The following ENTPD1 variants were observed in gnomAD, a reference collection of about 807,000 sequenced individuals.
The protein encoded by ENTPD1 is ATP diphosphohydrolase.
A neutral mutation model predicts 57.0 loss-of-function variants in ENTPD1; 33 were observed. The observed-to-expected ratio is 0.58, with a 90% CI of 0.44 to 0.77. The LOEUF (loss-of-function observed/expected upper bound fraction) is 0.77, where lower values mean the gene tolerates loss of function less well. Among genes scored for constraint, ENTPD1 ranks in the 30% least tolerant of loss-of-function variants. The probability of loss-of-function intolerance (pLI) is 0.00; values close to 1 mark genes in which losing one functional copy is unlikely to be tolerated. For synonymous variants in ENTPD1, 202 were observed against 218.8 expected (o/e 0.92, Z 0.68); for missense variants, 501 against 603.4 (o/e 0.83, Z 1.78).
intron 1 of ENTPD1, among the ~76,000 whole-genome samples, chr10:95,795,166 C>T (rs923283711): frequency 5.3e-5 from 8 of 152,082 alleles, no homozygotes; most frequent in African/African-American, 1.9e-4. Context: ...ACTAAGAAGA[C>T]ATTAGAGTGA....
chr10:95,756,322 A>G (rs1261935747), intron 1 of ENTPD1, 67 bp downstream of exon 1: 15 of 1,509,510 alleles, frequency 9.9e-6, no homozygotes, highest in Non-Finnish European at 1.3e-5. Flanking sequence ...ATAAAAGCCC[A>G]GACCAAAAAG....
At position 95,808,720 on chromosome 10, in the gene ENTPD1, CT is replaced by C. The variant is rs60603484; in HGVS notation, c.17-14504del. Among the ~76,000 whole-genome samples the C allele has an allele frequency of 6.3e-3, 899 of 143,798 alleles. 9 individuals are homozygous for C. The highest frequency in any genetic ancestry group is 0.021 in the African/African-American group (811 of 39,092). The allele number at this position is 143,798 out of a possible 152,430, so 94.3% of individuals were successfully genotyped here. On this transcript the variant is annotated intron_variant, in intron 1 of 9. Transcript: ENST00000371205. ...ATACTTTGACAGATTATTTTAGTTG[CT>C]TTTTTTTTTTTTAATAATTTTGTTG...
At chr10:95,832,224 C>CAGAGTTCTGCT (rs1474292054) in intron 2 of ENTPD1, among the ~76,000 whole-genome samples, 1 of 152,108 alleles carries the variant, frequency 6.6e-6, no homozygotes, top group Non-Finnish European at 1.5e-5. Context: ...ACCTCTGCCT[C>CAGAGTTCTGCT]AGAGTTCTCT....
chr10:95,776,945 T>G (rs1407823370), intron 1 of ENTPD1, among the ~76,000 whole-genome samples: 3 of 152,238 alleles, frequency 2.0e-5, no homozygotes, highest in Non-Finnish European at 4.4e-5. Flanking sequence ...AGCTTGTGCA[T>G]GGGTCACATA....
chr10:95,709,078 A>G (rs147400639), upstream of ENTPD1, among the ~76,000 whole-genome samples: 996 of 152,274 alleles, frequency 6.5e-3, 6 homozygotes, highest in Middle Eastern at 0.014. Context: ...AGGTTATGCA[A>G]CCTACAACCT....
chr10:95,810,747 C>T (rs192054994), intron 1 of ENTPD1, among the ~76,000 whole-genome samples: 22 of 152,246 alleles, frequency 1.4e-4, no homozygotes, highest in Non-Finnish European at 2.8e-4. Flanking sequence ...AAAAGCTACT[C>T]TCATCTATTA....
chr10:95,790,054 G>A (rs2098197129), intron 1 of ENTPD1, among the ~76,000 whole-genome samples: 1 of 152,174 alleles, frequency 6.6e-6, no homozygotes, highest in Non-Finnish European at 1.5e-5. Context: ...GATATTGGAA[G>A]TGCTCTCAAG....
chr10:95,723,239 T>G (rs1781230238), intron 1 of ENTPD1, among the ~76,000 whole-genome samples: 1 of 152,312 alleles, frequency 6.6e-6, no homozygotes, highest in African/African-American at 2.4e-5. Context: ...GGGCACATTG[T>G]TTTTTCTTTA....
At chr10:95,752,829 C>T (rs1035091144), upstream of ENTPD1, among the ~76,000 whole-genome samples, 5 of 152,072 alleles carry the variant, frequency 3.3e-5, no homozygotes, top group Non-Finnish European at 5.9e-5. Flanking sequence ...ATGCACCTGG[C>T]CCATATTAAT....
chr10:95,819,373 C>CTT (rs1275931147), intron 1 of ENTPD1, among the ~76,000 whole-genome samples: 2 of 151,924 alleles, frequency 1.3e-5, no homozygotes, highest in African/African-American at 4.8e-5. Context: ...ACCATGTTAC[C>CTT]CCCCAGTCTC....
At chr10:95,789,915 A>G (rs568367779) in intron 1 of ENTPD1, among the ~76,000 whole-genome samples, 87 of 152,328 alleles carry the variant, frequency 5.7e-4, no homozygotes, top group African/African-American at 1.9e-3. Context: ...CTAGAATGCC[A>G]TAAATTGCAT....
intron 1 of ENTPD1, among the ~76,000 whole-genome samples, chr10:95,799,395 A>G (rs998170604): frequency 1.3e-5 from 2 of 152,058 alleles, no homozygotes; most frequent in Non-Finnish European, 2.9e-5. Flanking sequence ...AATATGTGGC[A>G]TTTGGTTTTT....
At chr10:95,704,950 A>G in the ENTPD1 span, among the ~76,000 whole-genome samples, 5 of 151,998 alleles carry the variant, frequency 3.3e-5, no homozygotes, top group African/African-American at 1.2e-4. Context: ...GAATCCATGT[A>G]CAATCCCCCA....
chr10:95,869,785 A>C lies in ENTPD1; in HGVS notation c.*3402A>C, dbSNP rs2098478511. On this transcript the variant is annotated 3_prime_UTR_variant, in exon 10 of 10. Coordinates refer to ENST00000371205, the MANE Select transcript of ENTPD1 (RefSeq NM_001776.6). ...TAACACAGGAGAGTTTTCAGAAAGC[A>C]ACTAAATCCAAAATACTATCAAGGA... The C allele has an allele frequency of 1.3e-6, 1 of 749,518 alleles. No individual in the cohort carries two copies. Among genetic ancestry groups the C allele is most frequent in the South Asian group, 6.1e-5 (1 of 16,386 alleles). The allele number at this position is 749,518 out of a possible 1,614,324, so 46.4% of individuals were successfully genotyped here.
At chr10:95,812,868 TTTAA>T (rs1272344799) in intron 1 of ENTPD1, among the ~76,000 whole-genome samples, 1 of 152,220 alleles carries the variant, frequency 6.6e-6, no homozygotes, top group African/African-American at 2.4e-5. Context: ...TTTACATTTC[TTTAA>T]TTAAGGGTAG....
rs550372608 is a variant in ENTPD1 at position 95,799,726 on chromosome 10, A to G, written c.17-23511A>G. ...AGGAATCACTGCACTGTCTTCCAAA[A>G]TGGTTAAACTAATTTACACTACCAC... On this transcript the variant is annotated intron_variant, in intron 1 of 9. Coordinates refer to ENST00000371205, the MANE Select transcript of ENTPD1 (RefSeq NM_001776.6). Among the ~76,000 whole-genome samples, 13 of 152,326 alleles carry G rather than the reference A, an allele frequency of 8.5e-5. No homozygotes were observed. In the South Asian group the frequency reaches 1.2e-3, roughly 15 times the overall value.
At chr10:95,785,452 C>T (rs185155926) in intron 1 of ENTPD1, among the ~76,000 whole-genome samples, 1 of 152,330 alleles carries the variant, frequency 6.6e-6, no homozygotes, top group East Asian at 1.9e-4. Flanking sequence ...CAAGTCCAGC[C>T]TATAGTTGAC....
At chr10:95,844,911 C>G in intron 5 of ENTPD1, 1 of 513,332 alleles carries the variant, frequency 1.9e-6, no homozygotes, top group South Asian at 2.0e-5. Flanking sequence ...ATTAGAATAG[C>G]TAACATTTGC....
chr10:95,865,463 C>CTTTGA (rs1367404791), intron 9 of ENTPD1, among the ~76,000 whole-genome samples: 1 of 152,176 alleles, frequency 6.6e-6, no homozygotes, highest in African/African-American at 2.4e-5. Context: ...ACCAAAAATA[C>CTTTGA]CCAGAGCAGT....
Sources: allele counts gnomAD v4.1 joint callset (sites outside exome capture counted in the v4.1 genomes callset), GRCh38; gene constraint gnomAD v4.1.1; transcripts MANE v1.5; gene names NCBI Gene and HGNC (gene_info 2026-07-23, HGNC 2026-07-21).